Variants in PRMT7 observed in about 807,000 individuals in gnomAD.
The protein encoded by PRMT7 is protein arginine methyltransferase 7.
PRMT7 carries 75 observed loss-of-function variants against 85.4 expected under a neutral mutation model. The ratio of observed to expected loss-of-function variants is 0.88; its 90% CI spans 0.73 to 1.06. PRMT7 has a LOEUF of 1.06. PRMT7 is among the 50% of genes least tolerant of loss of function. The pLI is 0.00. For missense variants in PRMT7, 868 were observed against 915.2 expected (o/e 0.95, Z 0.67); for synonymous variants, 397 against 359.5 (o/e 1.10, Z -1.18).
intron 4 of PRMT7, chr16:68,321,693 G>A: frequency 2.2e-6 from 1 of 451,570 alleles, no homozygotes. Flanking sequence ...CTATGTTTAT[G>A]GTAATACAAT....
chr16:68,348,340 A>G lies in PRMT7; in HGVS notation c.1324-2A>G, dbSNP rs755946880. The G allele has an allele frequency of 6.3e-7, 1 of 1,592,844 alleles. No homozygotes were observed. Among genetic ancestry groups the G allele is most frequent in the Non-Finnish European group, 8.6e-7 (1 of 1,161,794 alleles). ...CAGTAATTTTACGGTTTTCTTTCTA[A>G]GATCTTCAAGGCTAACCACTTGGAA... is the stretch of plus-strand genomic sequence containing the variant. On this transcript the variant is annotated splice_acceptor_variant, in intron 13 of 18. Coordinates refer to ENST00000441236, the MANE Select transcript of PRMT7 (RefSeq NM_019023.5). LOFTEE classifies it high-confidence loss of function.
chr16:68,321,482 A>G lies in PRMT7; in HGVS notation c.132+20A>G, dbSNP rs1243669697. 3.8e-6 allele frequency: 6 copies of G among 1,594,946 alleles called. No individual in the cohort carries two copies. The highest frequency in any genetic ancestry group is 3.3e-4 in the Middle Eastern group (2 of 6,014). On this transcript the variant is annotated intron_variant, in intron 4 of 18. Transcript: ENST00000441236. ...GACAGAGTAAGTGTAAAAGGAAACT[A>G]TTATCTTGATGTGGGGTGTTTTGAA... is the stretch of plus-strand genomic sequence containing the variant.
chr16:68,333,979 C>G (rs890915089), intron 6 of PRMT7, among the ~76,000 whole-genome samples: 1 of 152,068 alleles, frequency 6.6e-6, no homozygotes, highest in Non-Finnish European at 1.5e-5. Context: ...CTATGTTGGC[C>G]AAGCTGGTCT....
intron 6 of PRMT7, among the ~76,000 whole-genome samples, chr16:68,329,876 TACACAC>T (rs6145876): frequency 1.4e-4 from 21 of 148,816 alleles, no homozygotes; most frequent in African/African-American, 4.2e-4. Context: ...TATGTATATG[TACACAC>T]ACACACACAC....
chr16:68,346,304 G>A (rs755755935), intron 11 of PRMT7, 24 bp downstream of exon 11: 1 of 1,611,552 alleles, frequency 6.2e-7, no homozygotes, highest in Admixed American at 1.7e-5. Context: ...CCCTTGGCTT[G>A]TTGTGGGGAA....
intron 1 of PRMT7, chr16:68,311,381 A>G: frequency 3.8e-6 from 1 of 265,912 alleles, no homozygotes; most frequent in Non-Finnish European, 7.5e-6. Context: ...AGCTCCAACC[A>G]TCGCACCCCT....
chr16:68,357,240 A>G lies in PRMT7; in HGVS notation c.*16A>G. The stretch of plus-strand genomic sequence containing the variant: ...CCCAGACTGACCACTCTTGAGCAAT[A>G]AAGTGGCCTGAGGGCTGGGGTTCTG... On this transcript the variant is annotated 3_prime_UTR_variant, in exon 19 of 19. Transcript: ENST00000441236. The G allele has an allele frequency of 6.3e-7, 1 of 1,599,296 alleles. No homozygotes were observed. The highest frequency in any genetic ancestry group is 8.5e-7 in the Non-Finnish European group (1 of 1,171,940).
In PRMT7 at chr16:68,346,251, A is replaced by T. The variant is rs2086346421; in HGVS notation, c.1162A>T (p.Thr388Ser). Residue 388 changes from threonine (T) to serine (S), a missense_variant, in exon 11 of 19, where the codon ACT (threonine) becomes TCT (serine). Transcript: ENST00000441236. Reference sequence around the variant, plus strand: ...TGGAGAGATCAATGACCAGGACAGAACTGATCGATACGTCCAGGCTCTGAG... The same window carrying T: ...TGGAGAGATCAATGACCAGGACAGATCTGATCGATACGTCCAGGCTCTGAG... ...RFGEINDQDR[T>S]DRYVQALRTV... 9 of 1,614,242 alleles carry T rather than the reference A, an allele frequency of 5.6e-6. No individual in the cohort carries two copies. In the East Asian group the frequency reaches 2.0e-4, roughly 36 times the overall value.
At chr16:68,345,232 T>G (rs1245200702) in intron 9 of PRMT7, among the ~76,000 whole-genome samples, 6 of 152,226 alleles carry the variant, frequency 3.9e-5, no homozygotes, top group African/African-American at 1.4e-4. Context: ...TCTGACTGTT[T>G]TGTAAATTCC....
intron 14 of PRMT7, among the ~76,000 whole-genome samples, chr16:68,350,324 CTT>C (rs1183180272): frequency 6.6e-6 from 1 of 152,162 alleles, no homozygotes; most frequent in East Asian, 1.9e-4. Context: ...TTACGATCGA[CTT>C]TTTAAGAAGC....
chr16:68,356,613 C>G (rs1179625466), intron 17 of PRMT7, 88 bp from the exon 18 acceptor site: 1 of 979,252 alleles, frequency 1.0e-6, no homozygotes, highest in African/African-American at 1.6e-5. Context: ...GGGAAGACCA[C>G]AGGTTTCTGG....
chr16:68,356,015 G>T (rs890334082), intron 17 of PRMT7, 132 bp downstream of exon 17: 7 of 1,040,084 alleles, frequency 6.7e-6, no homozygotes, highest in African/African-American at 6.6e-5. Flanking sequence ...CCACAACCTT[G>T]CCCTTCCCTG....
rs554954454 is a variant in PRMT7, at chr16:68,326,713, T to C, written c.282+1881T>C. 2.0e-5 allele frequency among the ~76,000 whole-genome samples: 3 copies of C among 152,264 alleles called. No individual in the cohort carries two copies. In the East Asian group the frequency reaches 5.8e-4, roughly 29 times the overall value. On this transcript the variant is annotated intron_variant, in intron 5 of 18. Transcript: ENST00000441236. ...ACAAGTGCACCACTGCAAAGGTCAGTTCCCCACGCTGCACCCTCACCTGAT... is the reference window on the plus strand; with the variant it reads ...ACAAGTGCACCACTGCAAAGGTCAGCTCCCCACGCTGCACCCTCACCTGAT...
At chr16:68,329,325 T>C (rs961998251) in intron 6 of PRMT7, 151 bp downstream of exon 6, 8 of 556,570 alleles carry the variant, frequency 1.4e-5, no homozygotes, top group African/African-American at 9.4e-5. Context: ...TTGGTTTCTC[T>C]TGATGTTTAT....
At chr16:68,327,260 A>G (rs1030937351) in intron 5 of PRMT7, among the ~76,000 whole-genome samples, 1 of 152,232 alleles carries the variant, frequency 6.6e-6, no homozygotes, top group Non-Finnish European at 1.5e-5. Context: ...CAGTCTCGGT[A>G]TCATTTTGTG....
At chr16:68,352,465 T>G in intron 15 of PRMT7, 56 bp downstream of exon 15, 3 of 1,536,058 alleles carry the variant, frequency 2.0e-6, no homozygotes, top group Non-Finnish European at 2.6e-6. Flanking sequence ...TGGGGAACCT[T>G]GTTTTCTTGC....
At chr16:68,319,064 C>CA (rs2151398871) in intron 3 of PRMT7, 1 of 152,252 alleles carries the variant, frequency 6.6e-6, no homozygotes, top group Admixed American at 6.5e-5. Context: ...GTTAGAATGA[C>CA]AAAGTGGATG....
At chr16:68,353,742 G>C (rs756348165) in intron 16 of PRMT7, among the ~76,000 whole-genome samples, 176 bp downstream of exon 16, 1 of 152,158 alleles carries the variant, frequency 6.6e-6, no homozygotes, top group Admixed American at 6.5e-5. Context: ...TCTTGGCTCC[G>C]TGCTGTCACC....
intron 6 of PRMT7, among the ~76,000 whole-genome samples, chr16:68,334,848 G>T (rs2084422048): frequency 6.6e-6 from 1 of 151,918 alleles, no homozygotes; most frequent in Non-Finnish European, 1.5e-5. Context: ...CCAAGATGGA[G>T]TATGGTGGGG....
Sources: allele counts gnomAD v4.1 joint callset (sites outside exome capture counted in the v4.1 genomes callset), GRCh38; gene constraint gnomAD v4.1.1; transcripts MANE v1.5; gene names NCBI Gene and HGNC (gene_info 2026-07-23, HGNC 2026-07-21).